The following DAB1 variants were observed in gnomAD, a reference collection of about 807,000 sequenced individuals.
DAB1 encodes DAB adaptor protein 1.
Under a neutral mutation model 64.6 loss-of-function variants are expected in DAB1, and 15 were observed. The ratio of observed to expected loss-of-function variants is 0.23; its 90% CI spans 0.16 to 0.36. The LOEUF is 0.36. DAB1 is among the 10% of genes least tolerant of loss of function. DAB1 has a pLI of 1.00. For synonymous variants in DAB1, 235 were observed against 251.9 expected (o/e 0.93, Z 0.64); for missense variants, 596 against 706.7 (o/e 0.84, Z 1.78).
chr1:57,518,266 T>C (rs1644486229), intron 7 of DAB1, among the ~76,000 whole-genome samples: 1 of 152,170 alleles, frequency 6.6e-6, no homozygotes, highest in Non-Finnish European at 1.5e-5. Flanking sequence ...GATTACCTTA[T>C]TGGTCTTGTT....
chr1:57,050,035 G>T (rs1219395282), intron 9 of DAB1, among the ~76,000 whole-genome samples: 1 of 152,110 alleles, frequency 6.6e-6, no homozygotes, highest in Non-Finnish European at 1.5e-5. Flanking sequence ...TGCTGGCTCT[G>T]CTAACACTGT....
intron 7 of DAB1, among the ~76,000 whole-genome samples, chr1:57,642,064 T>C (rs531579047): frequency 2.2e-4 from 34 of 152,286 alleles, no homozygotes; most frequent in African/African-American, 7.9e-4. Context: ...GTCCAGGGTC[T>C]GATTTATTAT....
intron 14 of DAB1, among the ~76,000 whole-genome samples, chr1:57,001,422 T>G (rs1048365160): frequency 6.6e-6 from 1 of 152,174 alleles, no homozygotes; most frequent in Admixed American, 6.5e-5. Context: ...CCCATTAGTC[T>G]CTTAGTCCAT....
At chr1:58,251,169 G>A (rs955421955) in intron 4 of DAB1, among the ~76,000 whole-genome samples, 1 of 152,190 alleles carries the variant, frequency 6.6e-6, no homozygotes, top group Non-Finnish European at 1.5e-5. Flanking sequence ...CAAAACATGA[G>A]TTTTTCTTCC....
chr1:58,385,000 A>C (rs1373915413), intron 3 of DAB1, among the ~76,000 whole-genome samples: 2 of 152,206 alleles, frequency 1.3e-5, no homozygotes, highest in Non-Finnish European at 2.9e-5. Flanking sequence ...ACCTAGGAAC[A>C]ATATTTTGCA....
chr1:58,538,501 T>A (rs1646553396), intron 1 of DAB1, among the ~76,000 whole-genome samples: 1 of 151,358 alleles, frequency 6.6e-6, no homozygotes, highest in Non-Finnish European at 1.5e-5. Context: ...AAGATTTTTT[T>A]AATGCCTATA....
At chr1:57,819,287 T>A (rs1021113429) in intron 6 of DAB1, among the ~76,000 whole-genome samples, 1 of 152,230 alleles carries the variant, frequency 6.6e-6, no homozygotes, top group South Asian at 2.1e-4. Context: ...AGAAAGTGCA[T>A]CCAGACAGGG....
intron 4 of DAB1, among the ~76,000 whole-genome samples, chr1:58,204,024 A>C (rs991918609): frequency 1.3e-5 from 2 of 152,212 alleles, no homozygotes; most frequent in African/African-American, 4.8e-5. Flanking sequence ...ATCTAACTGA[A>C]CTAAGGACTT....
At chr1:58,274,662 C>T (rs531429871) in intron 4 of DAB1, among the ~76,000 whole-genome samples, 3 of 152,260 alleles carry the variant, frequency 2.0e-5, no homozygotes, top group African/African-American at 7.2e-5. Flanking sequence ...AGCGAGATTC[C>T]GTGGGCGTAG....
At chr1:58,128,003 T>C (rs1458946842) in intron 5 of DAB1, among the ~76,000 whole-genome samples, 1 of 151,978 alleles carries the variant, frequency 6.6e-6, no homozygotes, top group Non-Finnish European at 1.5e-5. Flanking sequence ...AAGAAAGTCA[T>C]TGGTAGCTTG....
rs180746975 is a variant in DAB1, at chr1:57,135,620, T to G, written c.306+923A>C. Among the ~76,000 whole-genome samples the G allele has an allele frequency of 2.6e-5, 4 of 152,302 alleles. No homozygotes were observed. In the East Asian group the frequency reaches 7.7e-4, roughly 29 times the overall value. ...TATTTAGGAGTAATTTTTCTATACC[T>G]TTTTTCTTCAAGAAAATCCATTTTT... On this transcript the variant is annotated intron_variant, in intron 4 of 14. Coordinates refer to ENST00000371236, the MANE Select transcript of DAB1 (RefSeq NM_001365792.1).
At chr1:57,328,750 A>G (rs1230968157) in intron 1 of DAB1, among the ~76,000 whole-genome samples, 1 of 152,196 alleles carries the variant, frequency 6.6e-6, no homozygotes, top group Non-Finnish European at 1.5e-5. Flanking sequence ...TAGCCAAGAC[A>G]GAATTTCTGT....
chr1:57,717,272 A>AAAAAT (rs1557440581), intron 6 of DAB1, among the ~76,000 whole-genome samples: 3 of 151,636 alleles, frequency 2.0e-5, no homozygotes, highest in African/African-American at 4.8e-5. Flanking sequence ...AAAATAAAAA[A>AAAAAT]AAAAGAAAGA....
intron 7 of DAB1, among the ~76,000 whole-genome samples, chr1:57,568,580 GA>G (rs1570635594): frequency 6.6e-6 from 1 of 151,810 alleles, no homozygotes; most frequent in East Asian, 1.9e-4. Context: ...AAACTTACAA[GA>G]AAAAAACAAA....
intron 7 of DAB1, among the ~76,000 whole-genome samples, chr1:57,572,675 T>C (rs550045785): frequency 2.6e-5 from 4 of 152,256 alleles, no homozygotes; most frequent in Non-Finnish European, 4.4e-5. Flanking sequence ...CATTCTTGTG[T>C]TGCTATAAAG....
At chr1:57,127,873 C>A (rs532496422) in intron 4 of DAB1, among the ~76,000 whole-genome samples, 56 of 152,266 alleles carry the variant, frequency 3.7e-4, no homozygotes, top group African/African-American at 1.0e-3. Flanking sequence ...CCTGTCCGGG[C>A]GTGGTAGTTC....
intron 6 of DAB1, among the ~76,000 whole-genome samples, chr1:57,707,330 T>C (rs551259121): frequency 6.6e-6 from 1 of 151,712 alleles, no homozygotes; most frequent in South Asian, 2.1e-4. Context: ...ATTCACATTA[T>C]TGTGTGAATA....
At chr1:58,392,394 C>T (rs913800584) in intron 3 of DAB1, among the ~76,000 whole-genome samples, 2 of 152,130 alleles carry the variant, frequency 1.3e-5, no homozygotes, top group Non-Finnish European at 1.5e-5. Flanking sequence ...TCCGTCTCAG[C>T]GGGTTGACGT....
intron 1 of DAB1, among the ~76,000 whole-genome samples, chr1:57,298,305 C>A (rs996371041): frequency 6.6e-6 from 1 of 152,116 alleles, no homozygotes; most frequent in African/African-American, 2.4e-5. Flanking sequence ...GTGAAAGGTA[C>A]AAGTGCTATA....
Sources: allele counts gnomAD v4.1 joint callset (sites outside exome capture counted in the v4.1 genomes callset), GRCh38; gene constraint gnomAD v4.1.1; transcripts MANE v1.5; gene names NCBI Gene and HGNC (gene_info 2026-07-23, HGNC 2026-07-21).